Variants in SH3PXD2B observed in about 807,000 individuals in gnomAD.
SH3PXD2B encodes SH3 and PX domains 2B.
SH3PXD2B carries 37 observed loss-of-function variants against 73.1 expected under a neutral mutation model. The observed-to-expected ratio is 0.51, with a 90% CI of 0.39 to 0.67. The LOEUF is 0.67. Ranked by LOEUF, SH3PXD2B falls within the 30% of genes least tolerant of loss-of-function variation. SH3PXD2B has a pLI of 0.00. For synonymous variants in SH3PXD2B, 457 were observed against 480.5 expected (o/e 0.95, Z 0.64); for missense variants, 1,053 against 1,197.8 (o/e 0.88, Z 1.78).
chr5:172,416,672 C>T (rs1475204634), intron 2 of SH3PXD2B, among the ~76,000 whole-genome samples: 106 of 123,244 alleles, frequency 8.6e-4, no homozygotes, highest in African/African-American at 3.1e-3. Context: ...TTCATAGAGA[C>T]TGTGAGTCTC....
At chr5:172,369,122 T>C (rs1757643279) in intron 6 of SH3PXD2B, among the ~76,000 whole-genome samples, 1 of 151,370 alleles carries the variant, frequency 6.6e-6, no homozygotes, top group Non-Finnish European at 1.5e-5. Context: ...CTCGAACTCC[T>C]GACCTCAGGT....
At chr5:172,373,173 G>C (rs1378996320) in intron 6 of SH3PXD2B, among the ~76,000 whole-genome samples, 1 of 152,178 alleles carries the variant, frequency 6.6e-6, no homozygotes, top group Non-Finnish European at 1.5e-5. Context: ...GCCCAAAAAG[G>C]GCTGGGGTCT....
At chr5:172,446,169 C>A (rs1759654885) in intron 1 of SH3PXD2B, among the ~76,000 whole-genome samples, 1 of 152,194 alleles carries the variant, frequency 6.6e-6, no homozygotes, top group African/African-American at 2.4e-5. Flanking sequence ...CAGCAGCACC[C>A]CTCCTCAGGC....
intron 12 of SH3PXD2B, among the ~76,000 whole-genome samples, chr5:172,344,848 C>T (rs1756954337): frequency 6.6e-6 from 1 of 152,058 alleles, no homozygotes; most frequent in Non-Finnish European, 1.5e-5. Context: ...GACTGTAGTA[C>T]ACAGCAAGGC....
At chr5:172,374,180 T>C (rs1011595830) in intron 5 of SH3PXD2B, among the ~76,000 whole-genome samples, 2 of 152,244 alleles carry the variant, frequency 1.3e-5, no homozygotes, top group East Asian at 3.9e-4. Flanking sequence ...GCCCCATTTC[T>C]TGGGGTCCCC....
At chr5:172,449,835 A>G (rs2113522291) in intron 1 of SH3PXD2B, among the ~76,000 whole-genome samples, 1 of 152,236 alleles carries the variant, frequency 6.6e-6, no homozygotes, top group Admixed American at 6.5e-5. Flanking sequence ...AAGAAAGTCA[A>G]CTGCTGGAAA....
intron 2 of SH3PXD2B, 27 bp from the exon 3 acceptor site, chr5:172,406,379 A>T (rs1581314341): frequency 6.2e-6 from 10 of 1,611,944 alleles, no homozygotes; most frequent in Non-Finnish European, 8.5e-6. Context: ...TACCAAAAAC[A>T]AAAACCTTTC....
intron 3 of SH3PXD2B, among the ~76,000 whole-genome samples, chr5:172,395,485 A>C (rs1451708974): frequency 6.6e-6 from 1 of 152,194 alleles, no homozygotes; most frequent in Non-Finnish European, 1.5e-5. Flanking sequence ...TGAACCACCA[A>C]TATGACACAT....
At chr5:172,424,268 G>A (rs1003474511) in intron 1 of SH3PXD2B, among the ~76,000 whole-genome samples, 9 of 152,174 alleles carry the variant, frequency 5.9e-5, no homozygotes, top group Non-Finnish European at 8.8e-5. Context: ...CCGGAAGTGG[G>A]CAGGAGAGAG....
downstream of SH3PXD2B, among the ~76,000 whole-genome samples, chr5:172,328,984 C>T (rs1351689158): frequency 6.8e-6 from 1 of 147,864 alleles, no homozygotes; most frequent in Non-Finnish European, 1.5e-5. Context: ...GTATTTTGTA[C>T]ATGTTAACAT....
intron 10 of SH3PXD2B, among the ~76,000 whole-genome samples, chr5:172,350,107 G>A (rs991514569): frequency 2.0e-5 from 3 of 152,062 alleles, no homozygotes; most frequent in Non-Finnish European, 4.4e-5. Flanking sequence ...GGCCTGCCTC[G>A]GCCTCCCAAA....
At chr5:172,380,117 C>A (rs113011999) in intron 5 of SH3PXD2B, among the ~76,000 whole-genome samples, 3,133 of 152,174 alleles carry the variant, frequency 0.021, 91 homozygotes, top group African/African-American at 0.073. Context: ...AGTGCAGTGG[C>A]GGCGATCACT....
chr5:172,400,364 C>A (rs995624307), intron 3 of SH3PXD2B, among the ~76,000 whole-genome samples: 2 of 152,190 alleles, frequency 1.3e-5, no homozygotes, highest in Non-Finnish European at 2.9e-5. Flanking sequence ...GCTCCTCTGG[C>A]AGAAGGGAAT....
intron 3 of SH3PXD2B, among the ~76,000 whole-genome samples, chr5:172,405,424 G>C (rs12517598): frequency 0.3 from 45,984 of 152,178 alleles, 7,510 homozygotes; most frequent in East Asian, 0.66. Flanking sequence ...GTGGCAGAAG[G>C]CAAAGTCAGA....
intron 6 of SH3PXD2B, among the ~76,000 whole-genome samples, chr5:172,372,687 T>C (rs1757733392): frequency 6.6e-6 from 1 of 152,178 alleles, no homozygotes; most frequent in South Asian, 2.1e-4. Context: ...AATCCTATAA[T>C]AATCCCACAA....
At position 172,336,358 on chromosome 5, in the gene SH3PXD2B, C is replaced by G; in HGVS notation, c.*2011G>C. The stretch of plus-strand genomic sequence containing the variant: ...GTGGCGGCCCTTCCCCACCTCCCTT[C>G]TTCCCCTGGCTGCCATCTGCCCCCA... On this transcript the variant is annotated 3_prime_UTR_variant, in exon 13 of 13. Transcript: ENST00000311601. 1.2e-5 allele frequency: 12 copies of G among 985,770 alleles called. No homozygotes were observed. Among genetic ancestry groups the G allele is most frequent in the Non-Finnish European group, 1.4e-5 (12 of 830,002 alleles). 61.1% of individuals were successfully genotyped at this position (985,770 alleles called of 1,614,324 possible).
intron 4 of SH3PXD2B, among the ~76,000 whole-genome samples, chr5:172,390,439 C>T (rs1026030810): frequency 6.6e-6 from 1 of 152,194 alleles, no homozygotes; most frequent in African/African-American, 2.4e-5. Context: ...GGCTGGAGTA[C>T]AGTAGCACTA....
rs746331779 is a variant in SH3PXD2B, at chr5:172,454,330, A to C, written c.23T>G (p.Val8Gly). 3.2e-6 allele frequency: 5 copies of C among 1,581,702 alleles called. No homozygotes were observed. ...CTGCACGTCTAGCACCTTCACCTCCACGATGCTGCGCCGCGGCGGCATGGC... is the reference window on the plus strand; with the variant it reads ...CTGCACGTCTAGCACCTTCACCTCCCCGATGCTGCGCCGCGGCGGCATGGC... MPPRRSI[V>G]EVKVLDVQKR... The change falls in exon 1 of 13, where the codon GTG becomes GGG. Residue 8 changes from valine to glycine, a missense_variant. Coordinates refer to ENST00000311601, the MANE Select transcript of SH3PXD2B (RefSeq NM_001017995.3).
chr5:172,428,144 G>C (rs974059459), intron 1 of SH3PXD2B, among the ~76,000 whole-genome samples: 9 of 152,150 alleles, frequency 5.9e-5, no homozygotes, highest in African/African-American at 2.4e-5. Flanking sequence ...CCCTGGAAAT[G>C]ACTAAAACTT....
Sources: gnomAD v4.1 joint callset for allele counts (sites outside exome capture counted in the v4.1 genomes callset) on GRCh38, gnomAD v4.1.1 for gene constraint, MANE v1.5 for transcripts, NCBI Gene and HGNC (gene_info 2026-07-23, HGNC 2026-07-21) for gene names.